The following BBX variants were observed in gnomAD, a reference collection of about 807,000 sequenced individuals.
BBX encodes the protein HMG box transcription factor BBX.
A neutral mutation model predicts 100.2 loss-of-function variants in BBX; 30 were observed. The observed-to-expected ratio is 0.30, with a 90% CI of 0.22 to 0.41. The LOEUF is 0.41. Ranked by LOEUF, BBX falls within the 10% of genes least tolerant of loss-of-function variation. The pLI is 1.00. For missense variants in BBX, 1,023 were observed against 1,129.8 expected, an observed-to-expected ratio of 0.91 and a Z score of 1.35; for synonymous variants, 376 against 388.1, an observed-to-expected ratio of 0.97 and a Z score of 0.37.
intron 2 of BBX, among the ~76,000 whole-genome samples, chr3:107,552,111 G>T (rs2049734023): frequency 6.6e-6 from 1 of 151,924 alleles, no homozygotes; most frequent in Non-Finnish European, 1.5e-5. Context: ...GGAGGCTGCG[G>T]CAGGCGGATC....
chr3:107,577,858 G>A (rs967812647), intron 2 of BBX, among the ~76,000 whole-genome samples: 3 of 152,072 alleles, frequency 2.0e-5, no homozygotes, highest in Admixed American at 1.3e-4. Context: ...CCAAGATGAC[G>A]AGCCTGGCCA....
At position 107,710,486 on chromosome 3, in the gene BBX, A is replaced by T; in HGVS notation, c.26A>T (p.Asp9Val). 2.5e-6 allele frequency: 4 copies of T among 1,613,778 alleles called. No individual in the cohort carries two copies. In the South Asian group the frequency reaches 3.3e-5, roughly 13 times the overall value. Residue 9 changes from aspartate to valine, a missense_variant, in exon 4 of 18, where the codon GAT (aspartate) becomes GTT (valine). Physicochemically the swap from Asp to Val is radical, Grantham distance 152. Coordinates refer to ENST00000325805, the MANE Select transcript of BBX (RefSeq NM_001142568.3). ...ATGAAAGGCAGTAATAGAAATAAGG[A>T]TCATTCAGCAGAAGGAGAAGGGGTT... is the stretch of plus-strand genomic sequence containing the variant. MKGSNRNK[D>V]HSAEGEGVGK...
chr3:107,611,285 G>A (rs7638999), intron 2 of BBX, among the ~76,000 whole-genome samples: 9,800 of 151,878 alleles, frequency 0.065, 1,054 homozygotes, highest in African/African-American at 0.22. Context: ...CCACAATTAC[G>A]GTATTATAAT....
rs751578589 is a variant in BBX, at chr3:107,755,695, A to G, written c.906+17A>G. 1.3e-6 allele frequency: 2 copies of G among 1,597,314 alleles called. No individual in the cohort carries two copies. Among genetic ancestry groups the G allele is most frequent in the South Asian group, 2.2e-5 (2 of 90,674 alleles). On this transcript the variant is annotated intron_variant, in intron 10 of 17. Transcript: ENST00000325805. ...CTGGCAGAGGCAAGTTCCTAAGAATATATTGAGATAAGATCTGCAGAGGTG... is the reference window on the plus strand; with the variant it reads ...CTGGCAGAGGCAAGTTCCTAAGAATGTATTGAGATAAGATCTGCAGAGGTG...
intron 15 of BBX, among the ~76,000 whole-genome samples, chr3:107,793,758 A>G (rs1315395950): frequency 6.6e-6 from 1 of 152,216 alleles, no homozygotes; most frequent in African/African-American, 2.4e-5. Flanking sequence ...CTGATGCTAT[A>G]TAACTGTTCA....
chr3:107,640,354 C>G (rs2057114523), intron 2 of BBX, among the ~76,000 whole-genome samples: 1 of 152,164 alleles, frequency 6.6e-6, no homozygotes, highest in Non-Finnish European at 1.5e-5. Context: ...GCATATGCCT[C>G]CTATCCCTTC....
chr3:107,808,289 T>A lies in BBX; in HGVS notation c.*2832T>A, dbSNP rs572295820. Reference sequence around the variant, plus strand: ...AGCAAACCAAAATATGATGCTCTTCTGCTTTGTTTTATTCTAAATTGTTGT... The same window carrying A: ...AGCAAACCAAAATATGATGCTCTTCAGCTTTGTTTTATTCTAAATTGTTGT... On this transcript the variant is annotated 3_prime_UTR_variant, in exon 18 of 18. Transcript: ENST00000325805. The A allele has an allele frequency of 6.6e-6, 1 of 152,340 alleles. No individual in the cohort carries two copies. Among genetic ancestry groups the A allele is most frequent in the South Asian group, 2.1e-4 (1 of 4,826 alleles). 9.4% of individuals were successfully genotyped at this position (152,340 alleles called of 1,614,324 possible).
chr3:107,658,053 T>G (rs1216138026), intron 3 of BBX, among the ~76,000 whole-genome samples: 5 of 152,022 alleles, frequency 3.3e-5, no homozygotes, highest in Non-Finnish European at 7.4e-5. Context: ...AATCCAGGGG[T>G]GAATAACCTT....
At chr3:107,707,311 T>A (rs187296896) in intron 3 of BBX, among the ~76,000 whole-genome samples, 2 of 152,352 alleles carry the variant, frequency 1.3e-5, no homozygotes, top group East Asian at 3.9e-4. Context: ...TCCCTTTGTT[T>A]CCCACTTAGA....
At chr3:107,535,242 C>T (rs1288909535) in intron 2 of BBX, among the ~76,000 whole-genome samples, 1 of 152,000 alleles carries the variant, frequency 6.6e-6, no homozygotes, top group Non-Finnish European at 1.5e-5. Flanking sequence ...GAATTCTCCC[C>T]AATTTTTTTT....
At chr3:107,668,623 C>CA (rs1432931237) in intron 3 of BBX, among the ~76,000 whole-genome samples, 4 of 152,156 alleles carry the variant, frequency 2.6e-5, no homozygotes, top group Non-Finnish European at 5.9e-5. Flanking sequence ...TGTGCCAAGG[C>CA]AGGAGTGGGT....
At chr3:107,591,700 C>T (rs867886071) in intron 2 of BBX, among the ~76,000 whole-genome samples, 7 of 152,128 alleles carry the variant, frequency 4.6e-5, no homozygotes, top group African/African-American at 7.2e-5. Flanking sequence ...GTTGCCTAGG[C>T]GGGTCTTGAA....
chr3:107,778,401 A>C lies in BBX; in HGVS notation c.2085A>C (p.Lys695Asn). 1.2e-6 allele frequency: 2 copies of C among 1,613,456 alleles called. No individual in the cohort carries two copies. The highest frequency in any genetic ancestry group is 1.7e-6 in the Non-Finnish European group (2 of 1,179,552). Residue 695 changes from lysine to asparagine, a missense_variant, in exon 13 of 18, where the codon AAA becomes AAC. By Grantham distance (94) the Lys-to-Asn change is moderately conservative. Coordinates refer to ENST00000325805, the MANE Select transcript of BBX (RefSeq NM_001142568.3). Reference sequence around the variant, plus strand: ...CAAAGCTGGATGAAGAATTTGAAAAAAAATTCAACAGCCTCCCTCAATATA... The same window carrying C: ...CAAAGCTGGATGAAGAATTTGAAAACAAATTCAACAGCCTCCCTCAATATA... The part of the protein sequence containing the change: ...GSAKLDEEFE[K>N]KFNSLPQYSP...
intron 6 of BBX, among the ~76,000 whole-genome samples, chr3:107,729,980 G>A (rs2063206745): frequency 6.6e-6 from 1 of 152,054 alleles, no homozygotes; most frequent in Non-Finnish European, 1.5e-5. Flanking sequence ...CTGGCTACTT[G>A]GGAGGCTGAG....
intron 3 of BBX, among the ~76,000 whole-genome samples, chr3:107,698,255 A>G (rs760430667): frequency 7.2e-5 from 11 of 151,746 alleles, no homozygotes; most frequent in Non-Finnish European, 1.3e-4. Context: ...AACAACGACT[A>G]AGTCATATGA....
intron 2 of BBX, among the ~76,000 whole-genome samples, chr3:107,550,947 T>G (rs1348070355): frequency 6.6e-6 from 1 of 152,202 alleles, no homozygotes; most frequent in Non-Finnish European, 1.5e-5. Context: ...TTTGAATGCC[T>G]CCTTTTGCTA....
chr3:107,714,455 C>T (rs901330241), intron 4 of BBX, among the ~76,000 whole-genome samples: 2 of 152,106 alleles, frequency 1.3e-5, no homozygotes, highest in Admixed American at 6.5e-5. Flanking sequence ...CCATCTGTTA[C>T]ACGTTGAATT....
At chr3:107,714,534 A>G (rs2061965848) in intron 4 of BBX, among the ~76,000 whole-genome samples, 1 of 152,198 alleles carries the variant, frequency 6.6e-6, no homozygotes. Context: ...TCTTCATCTT[A>G]TATATTAATA....
intron 2 of BBX, among the ~76,000 whole-genome samples, chr3:107,586,500 T>C (rs1000354314): frequency 6.6e-6 from 1 of 152,188 alleles, no homozygotes; most frequent in African/African-American, 2.4e-5. Flanking sequence ...AAAGAAATAA[T>C]GTCTTCTTGG....
Sources: allele counts gnomAD v4.1 joint callset (sites outside exome capture counted in the v4.1 genomes callset), GRCh38; gene constraint gnomAD v4.1.1; transcripts MANE v1.5; gene names NCBI Gene and HGNC (gene_info 2026-07-23, HGNC 2026-07-21).